Variants in ARHGAP26 observed in about 807,000 individuals in gnomAD.
ARHGAP26 encodes the protein Rho GTPase activating protein 26.
In ARHGAP26, 38 loss-of-function variants were observed where a neutral mutation model predicts 104.8. The ratio of observed to expected loss-of-function variants is 0.36; its 90% CI spans 0.28 to 0.48. The LOEUF (loss-of-function observed/expected upper bound fraction) is 0.48, where lower values mean the gene tolerates loss of function less well. Among genes scored for constraint, ARHGAP26 ranks in the 20% least tolerant of loss-of-function variants. The pLI, the probability that ARHGAP26 is intolerant of heterozygous loss-of-function variation, is 0.99. For synonymous variants in ARHGAP26, 341 were observed against 340.0 expected, an observed-to-expected ratio of 1.00 and a Z score of -0.03; for missense variants, 704 against 947.9, an observed-to-expected ratio of 0.74 and a Z score of 3.38.
intron 12 of ARHGAP26, among the ~76,000 whole-genome samples, chr5:143,015,285 T>G (rs1031648300): frequency 2.6e-5 from 4 of 152,214 alleles, no homozygotes; most frequent in African/African-American, 9.6e-5. Context: ...TCTGACTAAC[T>G]GAGGCAAAAA....
At chr5:142,941,689 A>T (rs1368592028) in intron 11 of ARHGAP26, among the ~76,000 whole-genome samples, 1 of 152,216 alleles carries the variant, frequency 6.6e-6, no homozygotes, top group Non-Finnish European at 1.5e-5. Flanking sequence ...CTTTGGTTAG[A>T]TTATTCAGAA....
rs144146598 is a variant in ARHGAP26, at chr5:142,877,922, G to T, written c.313-1452G>T. The stretch of plus-strand genomic sequence containing the variant: ...CAGATGGTTTGTGGAGAAGACTTCA[G>T]TGAACCAATTAAGTAACATTGAATA... On this transcript the variant is annotated intron_variant, in intron 3 of 22. Coordinates refer to ENST00000645722, the MANE Select transcript of ARHGAP26 (RefSeq NM_001135608.3). 1.8e-4 allele frequency among the ~76,000 whole-genome samples: 27 copies of T among 152,302 alleles called. 2 individuals carry two copies. The East Asian group carries it at 5.2e-3, about 29-fold the overall frequency.
At chr5:143,146,051 A>G (rs1177113001) in intron 19 of ARHGAP26, among the ~76,000 whole-genome samples, 1 of 152,198 alleles carries the variant, frequency 6.6e-6, no homozygotes, top group African/African-American at 2.4e-5. Flanking sequence ...GATATATTGT[A>G]ACATACCCCT....
At chr5:143,214,968 C>T (rs1422738313) in intron 22 of ARHGAP26, among the ~76,000 whole-genome samples, 1 of 152,236 alleles carries the variant, frequency 6.6e-6, no homozygotes, top group African/African-American at 2.4e-5. Flanking sequence ...ACAGCCAGCC[C>T]AGCCACCTCT....
At chr5:143,106,931 G>A (rs1207884757) in intron 17 of ARHGAP26, among the ~76,000 whole-genome samples, 1 of 152,176 alleles carries the variant, frequency 6.6e-6, no homozygotes, top group Non-Finnish European at 1.5e-5. Context: ...TCAGCTCACA[G>A]GTCTCTTCCC....
intron 1 of ARHGAP26, among the ~76,000 whole-genome samples, chr5:142,796,593 A>C (rs1761029846): frequency 6.6e-6 from 1 of 152,254 alleles, no homozygotes; most frequent in Non-Finnish European, 1.5e-5. Flanking sequence ...CTCAAGTATT[A>C]CAGTGTAGTT....
rs3839208 is a variant in ARHGAP26, at chr5:142,923,087, G to GTTT, written c.1029-8951_1029-8949dup. 6.7e-4 allele frequency among the ~76,000 whole-genome samples: 100 copies of GTTT among 148,960 alleles called. 1 individual carries two copies. Among genetic ancestry groups the GTTT allele is most frequent in the East Asian group, 2.0e-3 (10 of 5,098 alleles). ...TCATGTAGTTTGAACTTGTCATGGA[G>GTTT]TTTTTTTTTTTCTTTTAATTAAATG... On this transcript the variant is annotated intron_variant, in intron 10 of 22. Transcript: ENST00000645722.
At chr5:143,127,495 C>T in intron 18 of ARHGAP26, among the ~76,000 whole-genome samples, 1 of 152,152 alleles carries the variant, frequency 6.6e-6, no homozygotes, top group East Asian at 1.9e-4. Flanking sequence ...TCTCAGAAAT[C>T]CCCAAAGATC....
intron 17 of ARHGAP26, among the ~76,000 whole-genome samples, chr5:143,061,345 C>T (rs1786672620): frequency 6.6e-6 from 1 of 152,204 alleles, no homozygotes; most frequent in Non-Finnish European, 1.5e-5. Flanking sequence ...CATATTATGA[C>T]TCCAAGTATG....
At chr5:142,911,809 T>A (rs1761872048) in intron 9 of ARHGAP26, among the ~76,000 whole-genome samples, 1 of 152,232 alleles carries the variant, frequency 6.6e-6, no homozygotes. Context: ...AGTCAGAATC[T>A]CTTATGTTTG....
chr5:142,894,794 C>G (rs1317125536), intron 6 of ARHGAP26, among the ~76,000 whole-genome samples: 1 of 152,184 alleles, frequency 6.6e-6, no homozygotes, highest in Non-Finnish European at 1.5e-5. Flanking sequence ...TTCAAAGCCC[C>G]TTCTCACCCC....
At chr5:143,078,440 G>A (rs1016180642) in intron 17 of ARHGAP26, among the ~76,000 whole-genome samples, 1 of 152,038 alleles carries the variant, frequency 6.6e-6, no homozygotes, top group African/African-American at 2.4e-5. Context: ...GAGTGTGTCC[G>A]TTTTATTCCC....
chr5:142,945,321 A>C (rs1333606302), intron 11 of ARHGAP26, among the ~76,000 whole-genome samples: 1 of 151,968 alleles, frequency 6.6e-6, no homozygotes, highest in Non-Finnish European at 1.5e-5. Context: ...GATGCCTGCC[A>C]CTCACTATAC....
intron 22 of ARHGAP26, 72 bp from the exon 23 acceptor site, chr5:143,222,286 C>CCA (rs1264241346): frequency 2.1e-6 from 2 of 965,598 alleles, no homozygotes; most frequent in Non-Finnish European, 3.1e-6. Context: ...CACACACACC[C>CCA]CACACACACA....
At chr5:143,188,857 G>C (rs988803340) in intron 20 of ARHGAP26, among the ~76,000 whole-genome samples, 4 of 152,252 alleles carry the variant, frequency 2.6e-5, no homozygotes, top group Non-Finnish European at 5.9e-5. Flanking sequence ...AATAACTGTA[G>C]TATCAAACAG....
At chr5:142,812,197 T>G (rs1233344865) in intron 1 of ARHGAP26, among the ~76,000 whole-genome samples, 1 of 152,166 alleles carries the variant, frequency 6.6e-6, no homozygotes, top group Non-Finnish European at 1.5e-5. Context: ...TAAGGATCTT[T>G]TTAACCCAGT....
intron 17 of ARHGAP26, among the ~76,000 whole-genome samples, chr5:143,084,652 C>T (rs1172980085): frequency 6.6e-6 from 1 of 152,228 alleles, no homozygotes; most frequent in African/African-American, 2.4e-5. Context: ...TCGCCTGTCT[C>T]CACTCCATGC....
At chr5:143,137,377 G>A (rs1224400518) in intron 19 of ARHGAP26, among the ~76,000 whole-genome samples, 1 of 152,192 alleles carries the variant, frequency 6.6e-6, no homozygotes, top group Non-Finnish European at 1.5e-5. Flanking sequence ...AGTGGGCTGT[G>A]GACACTTGCC....
At chr5:143,076,585 G>T (rs1236825290) in intron 17 of ARHGAP26, among the ~76,000 whole-genome samples, 1 of 151,948 alleles carries the variant, frequency 6.6e-6, no homozygotes, top group Non-Finnish European at 1.5e-5. Context: ...TCCTCTTTTG[G>T]CACACCCTGT....
Sources: gnomAD v4.1 joint callset for allele counts (sites outside exome capture counted in the v4.1 genomes callset) on GRCh38, gnomAD v4.1.1 for gene constraint, MANE v1.5 for transcripts, NCBI Gene and HGNC (gene_info 2026-07-23, HGNC 2026-07-21) for gene names.